RPS6KA5: variants seen among roughly 807,000 people sequenced by gnomAD.
RPS6KA5 encodes the protein ribosomal protein S6 kinase A5.
Under a neutral mutation model 85.5 loss-of-function variants are expected in RPS6KA5, and 27 were observed. The ratio of observed to expected loss-of-function variants is 0.32; its 90% confidence interval spans 0.23 to 0.44. RPS6KA5 has a LOEUF of 0.44. Ranked by LOEUF, RPS6KA5 falls within the 20% of genes least tolerant of loss-of-function variation. The pLI, the probability that RPS6KA5 is intolerant of heterozygous loss-of-function variation, is 1.00. For missense variants in RPS6KA5, 811 were observed against 980.9 expected (o/e 0.83, Z 2.31); for synonymous variants, 334 against 348.2 (o/e 0.96, Z 0.46).
At chr14:91,015,712 A>G (rs2041461139) in intron 1 of RPS6KA5, among the ~76,000 whole-genome samples, 1 of 152,228 alleles carries the variant, frequency 6.6e-6, no homozygotes, top group South Asian at 2.1e-4. Context: ...TTCTATTAGC[A>G]CAGAAATGTG....
intron 1 of RPS6KA5, chr14:91,059,941 A>C (rs556131857): frequency 1.2e-4 from 100 of 802,144 alleles, no homozygotes; most frequent in African/African-American, 3.2e-4. Context: ...GACACTCTCC[A>C]AAACAAAGCG....
At chr14:90,944,561 G>A (rs1229343314) in intron 4 of RPS6KA5, among the ~76,000 whole-genome samples, 1 of 152,136 alleles carries the variant, frequency 6.6e-6, no homozygotes, top group Non-Finnish European at 1.5e-5. Flanking sequence ...TTCGAGACCA[G>A]CCTGACCAAC....
intron 5 of RPS6KA5, among the ~76,000 whole-genome samples, chr14:90,923,731 C>T (rs1231085477): frequency 2.0e-5 from 3 of 151,728 alleles, no homozygotes. Flanking sequence ...TCTACCTTAC[C>T]ATCTTGTGTA....
chr14:90,920,583 A>G (rs2036354162), intron 6 of RPS6KA5, among the ~76,000 whole-genome samples: 1 of 151,928 alleles, frequency 6.6e-6, no homozygotes, highest in South Asian at 2.1e-4. Flanking sequence ...TAAATTTTTA[A>G]AATTTTAAGT....
intron 8 of RPS6KA5, among the ~76,000 whole-genome samples, chr14:90,904,347 A>G (rs2035385206): frequency 6.6e-6 from 1 of 152,234 alleles, no homozygotes; most frequent in South Asian, 2.1e-4. Context: ...TAGAAACAAA[A>G]TAATTAAATC....
At chr14:90,907,918 GA>G (rs1009817942) in intron 7 of RPS6KA5, among the ~76,000 whole-genome samples, 1 of 152,020 alleles carries the variant, frequency 6.6e-6, no homozygotes, top group Non-Finnish European at 1.5e-5. Context: ...CTTTTTGCAG[GA>G]AAAAAGCTTT....
chr14:90,870,741 T>C lies in RPS6KA5; in HGVS notation c.*1333A>G, dbSNP rs1164445456. ...GTAAACAAAGCAAAAAAATCACTTTTCTCAGTCCTGACATTTCACATGATG... is the reference window on the plus strand; with the variant it reads ...GTAAACAAAGCAAAAAAATCACTTTCCTCAGTCCTGACATTTCACATGATG... On this transcript the variant is annotated 3_prime_UTR_variant, in exon 17 of 17. Coordinates refer to ENST00000614987, the MANE Select transcript of RPS6KA5 (RefSeq NM_004755.4). 1.3e-5 allele frequency: 2 copies of C among 151,868 alleles called. No individual in the cohort carries two copies. The highest frequency in any genetic ancestry group is 2.9e-5 in the Non-Finnish European group (2 of 67,878). 9.4% of individuals were successfully genotyped at this position (151,868 alleles called of 1,614,324 possible). A position where few individuals can be genotyped will look rare whatever the true frequency, so the allele number is the denominator to read the frequency against.
At chr14:90,914,385 G>A (rs2036000547) in intron 7 of RPS6KA5, among the ~76,000 whole-genome samples, 1 of 134,956 alleles carries the variant, frequency 7.4e-6, no homozygotes, top group East Asian at 2.4e-4. Context: ...TGCAATCTCG[G>A]CTCACTGCAA....
chr14:90,932,700 AACTG>A (rs1490655994), intron 5 of RPS6KA5, among the ~76,000 whole-genome samples: 2 of 152,190 alleles, frequency 1.3e-5, no homozygotes, highest in African/African-American at 2.4e-5. Context: ...TCTAAGCATG[AACTG>A]ACCATGCTAC....
intron 1 of RPS6KA5, among the ~76,000 whole-genome samples, chr14:91,044,006 CACCT>C (rs1217353600): frequency 6.6e-6 from 1 of 152,078 alleles, no homozygotes; most frequent in African/African-American, 2.4e-5. Flanking sequence ...GAGGGTGGAT[CACCT>C]GAGGTCAGGA....
intron 5 of RPS6KA5, among the ~76,000 whole-genome samples, chr14:90,925,746 G>A (rs975827782): frequency 6.6e-6 from 1 of 150,876 alleles, no homozygotes; most frequent in Non-Finnish European, 1.5e-5. Flanking sequence ...GCCTGGGCAA[G>A]ATGGTGAAAC....
At chr14:90,875,133 G>A in intron 15 of RPS6KA5, 68 bp downstream of exon 15, 2 of 1,426,644 alleles carry the variant, frequency 1.4e-6, no homozygotes, top group Non-Finnish European at 9.6e-7. Context: ...GAATGTATGT[G>A]TAATGGCCAT....
intron 1 of RPS6KA5, among the ~76,000 whole-genome samples, chr14:91,036,195 A>T (rs2042404217): frequency 1.3e-5 from 2 of 152,204 alleles, no homozygotes; most frequent in African/African-American, 4.8e-5. Flanking sequence ...ATACTGGTGA[A>T]CTATAACCAA....
At chr14:91,022,124 A>G (rs997932274) in intron 1 of RPS6KA5, among the ~76,000 whole-genome samples, 3 of 152,240 alleles carry the variant, frequency 2.0e-5, no homozygotes, top group African/African-American at 7.2e-5. Context: ...GTGTTTCATA[A>G]TATTATAAGG....
At chr14:90,885,602 C>T (rs1394087160) in intron 14 of RPS6KA5, among the ~76,000 whole-genome samples, 4 of 112,964 alleles carry the variant, frequency 3.5e-5, no homozygotes, top group Admixed American at 2.0e-4. Context: ...ATTAGACGGG[C>T]GAGGTGGCGG....
In RPS6KA5 at chr14:90,859,543, A is replaced by G. The variant is rs1400929015; in HGVS notation, c.*12531T>C. 2 of 152,246 alleles carry G rather than the reference A, an allele frequency of 1.3e-5. No individual in the cohort carries two copies. Among genetic ancestry groups the G allele is most frequent in the African/African-American group, 2.4e-5 (1 of 41,468 alleles). 9.4% of individuals were successfully genotyped at this position (152,246 alleles called of 1,614,324 possible). A position where few individuals can be genotyped will look rare whatever the true frequency, so the allele number is the denominator to read the frequency against. The stretch of plus-strand genomic sequence containing the variant: ...TCATGGATATTTTAGAATCCAAAAT[A>G]TAAGATATACAACTAAATTTAAAAT... On this transcript the variant is annotated 3_prime_UTR_variant, in exon 17 of 17. Transcript: ENST00000614987.
chr14:90,866,068 A>ACGT lies in RPS6KA5; in HGVS notation c.*6005_*6006insACG, dbSNP rs2032789632. ...TAGGTCCACATGCAGATATCTTAATAAGTAGTGAAATACCAGTGTAGAAAT... is the reference window on the plus strand; with the variant it reads ...TAGGTCCACATGCAGATATCTTAATACGTAGTAGTGAAATACCAGTGTAGAAAT... On this transcript the variant is annotated 3_prime_UTR_variant, in exon 17 of 17. Transcript: ENST00000614987. The ACGT allele has an allele frequency of 2.4e-5, 3 of 122,552 alleles. No individual in the cohort carries two copies. The highest frequency in any genetic ancestry group is 1.9e-5 in the Non-Finnish European group (1 of 52,280). The allele number at this position is 122,552 out of a possible 1,614,324, so 7.6% of individuals were successfully genotyped here. A position where few individuals can be genotyped will look rare whatever the true frequency, so the allele number is the denominator to read the frequency against.
chr14:90,981,360 C>A (rs1595391193), intron 2 of RPS6KA5, among the ~76,000 whole-genome samples: 1 of 152,130 alleles, frequency 6.6e-6, no homozygotes, highest in Non-Finnish European at 1.5e-5. Context: ...TAAGATGACT[C>A]CGAGACCTCT....
chr14:91,040,057 G>C (rs1322185231), intron 1 of RPS6KA5, among the ~76,000 whole-genome samples: 2 of 152,204 alleles, frequency 1.3e-5, no homozygotes, highest in Admixed American at 1.3e-4. Context: ...GAGAGAGGAA[G>C]AAGTCTGGAT....
Sources: gnomAD v4.1 joint callset for allele counts (sites outside exome capture counted in the v4.1 genomes callset) on GRCh38, gnomAD v4.1.1 for gene constraint, MANE v1.5 for transcripts, NCBI Gene and HGNC (gene_info 2026-07-23, HGNC 2026-07-21) for gene names.